Variants in RERE observed in about 807,000 individuals in gnomAD.
RERE encodes arginine-glutamic acid dipeptide repeats, also known as arginine-glutamic acid dipeptide repeats protein.
In RERE, 40 loss-of-function variants were observed where a neutral mutation model predicts 146.1. The observed-to-expected ratio is 0.27, with a 90% CI of 0.21 to 0.36. The LOEUF is 0.36. Ranked by LOEUF, RERE falls within the 10% of genes least tolerant of loss-of-function variation. RERE has a pLI of 1.00. For synonymous variants in RERE, 1,003 were observed against 866.0 expected, an observed-to-expected ratio of 1.16 and a Z score of -2.78; for missense variants, 1,933 against 2,138.7, an observed-to-expected ratio of 0.90 and a Z score of 1.90.
At chr1:8,358,101 A>C in intron 20 of RERE, 95 bp downstream of exon 20, 2 of 1,507,618 alleles carry the variant, frequency 1.3e-6, no homozygotes, top group African/African-American at 1.4e-5. Flanking sequence ...CTGTTCAGAA[A>C]AGAACAGTTT....
intron 12 of RERE, among the ~76,000 whole-genome samples, chr1:8,372,763 A>G (rs1185953259): frequency 6.6e-6 from 1 of 152,120 alleles, no homozygotes; most frequent in Non-Finnish European, 1.5e-5. Flanking sequence ...CAGAGGGGAG[A>G]TACAGGCAGG....
At chr1:8,390,435 C>G (rs2124424507) in intron 12 of RERE, among the ~76,000 whole-genome samples, 1 of 152,290 alleles carries the variant, frequency 6.6e-6, no homozygotes, top group South Asian at 2.1e-4. Flanking sequence ...GTAGGCTCTT[C>G]CCCTGCCCAC....
intron 4 of RERE, among the ~76,000 whole-genome samples, chr1:8,567,417 T>A (rs1646165965): frequency 1.3e-5 from 2 of 152,182 alleles, no homozygotes; most frequent in South Asian, 4.1e-4. Flanking sequence ...CTCAGAAAGA[T>A]GATGTAACTA....
chr1:8,621,250 T>C (rs1234605433), intron 3 of RERE, among the ~76,000 whole-genome samples: 3 of 152,094 alleles, frequency 2.0e-5, no homozygotes, highest in African/African-American at 4.8e-5. Context: ...GACTCGATTC[T>C]AAGGGAATGC....
intron 4 of RERE, among the ~76,000 whole-genome samples, chr1:8,614,116 TA>T (rs1646823467): frequency 6.6e-6 from 1 of 152,200 alleles, no homozygotes; most frequent in Non-Finnish European, 1.5e-5. Context: ...AAAGCCTCGC[TA>T]TTTCTGAGCA....
chr1:8,809,938 C>T (rs915213106), intron 1 of RERE, among the ~76,000 whole-genome samples: 1 of 152,072 alleles, frequency 6.6e-6, no homozygotes, highest in African/African-American at 2.4e-5. Flanking sequence ...ATAAAAGTGG[C>T]CAAACCAAAA....
chr1:8,801,441 G>T (rs1641590416), intron 1 of RERE, among the ~76,000 whole-genome samples: 1 of 151,950 alleles, frequency 6.6e-6, no homozygotes, highest in African/African-American at 2.4e-5. Context: ...GGCTAATTTT[G>T]TAATTTTAGT....
chr1:8,680,699 G>C (rs1298443462), intron 1 of RERE, among the ~76,000 whole-genome samples: 1 of 152,140 alleles, frequency 6.6e-6, no homozygotes, highest in Non-Finnish European at 1.5e-5. Flanking sequence ...GTCCTTTAGA[G>C]AAAAGAAAGC....
At chr1:8,782,841 G>A (rs1641190191) in intron 1 of RERE, among the ~76,000 whole-genome samples, 1 of 152,170 alleles carries the variant, frequency 6.6e-6, no homozygotes, top group Non-Finnish European at 1.5e-5. Context: ...GGGAGGTGGA[G>A]GGTGAAGTGA....
intron 9 of RERE, among the ~76,000 whole-genome samples, 175 bp from the exon 10 acceptor site, chr1:8,495,337 T>C (rs2124234216): frequency 6.6e-6 from 1 of 151,400 alleles, no homozygotes; most frequent in East Asian, 1.9e-4. Context: ...TCTTTTGAGA[T>C]GGAGTCTCAC....
chr1:8,435,216 A>G (rs1292311139), intron 11 of RERE, among the ~76,000 whole-genome samples: 5 of 152,232 alleles, frequency 3.3e-5, no homozygotes, highest in African/African-American at 1.2e-4. Context: ...TTTAAGGCCT[A>G]GCTCTTATCA....
chr1:8,422,623 G>A lies in RERE; in HGVS notation c.1284+104C>T, dbSNP rs1216691195. 4.8e-6 allele frequency: 4 copies of A among 830,236 alleles called. No homozygotes were observed. The African/African-American group carries it at 6.7e-5, about 14-fold the overall frequency. The allele number at this position is 830,236 out of a possible 1,614,324, so 51.4% of individuals were successfully genotyped here. A position where few individuals can be genotyped will look rare whatever the true frequency, so the allele number is the denominator to read the frequency against. ...ATTCTGGAGGCCAGCCCGAGTCTGAGCACAGCGCAGGGTTAAAGGAAACCA... is the reference window on the plus strand; with the variant it reads ...ATTCTGGAGGCCAGCCCGAGTCTGAACACAGCGCAGGGTTAAAGGAAACCA... On this transcript the variant is annotated intron_variant, in intron 12 of 22. Transcript: ENST00000400908.
At chr1:8,378,886 C>T (rs1437347079) in intron 12 of RERE, among the ~76,000 whole-genome samples, 1 of 152,180 alleles carries the variant, frequency 6.6e-6, no homozygotes, top group Non-Finnish European at 1.5e-5. Flanking sequence ...GCTCATGGAG[C>T]TGACTGTCAG....
chr1:8,601,626 C>CCCCACACACA (rs1553119505), intron 4 of RERE, among the ~76,000 whole-genome samples: 2 of 94,914 alleles, frequency 2.1e-5, no homozygotes, highest in Admixed American at 1.2e-4. Context: ...TCCAAGGTCA[C>CCCCACACACA]CACACACACA....
intron 1 of RERE, among the ~76,000 whole-genome samples, chr1:8,810,598 C>A (rs562906095): frequency 2.4e-4 from 36 of 151,978 alleles, no homozygotes; most frequent in Non-Finnish European, 4.6e-4. Flanking sequence ...CAGAGCAAGA[C>A]CTTTCCTCAA....
rs1641225174 is a variant in RERE, at chr1:8,354,865, C to G, written c.*222G>C. On this transcript the variant is annotated 3_prime_UTR_variant, in exon 23 of 23. Coordinates refer to ENST00000400908, the MANE Select transcript of RERE (RefSeq NM_001042681.2). ...GTCCAGTCCAGGACTCACTAAGTTT[C>G]TGGGGGACTGTCATGCAGGGAGATC... is the stretch of plus-strand genomic sequence containing the variant. 1 of 578,682 alleles carries G rather than the reference C, an allele frequency of 1.7e-6. No individual in the cohort carries two copies. Among genetic ancestry groups the G allele is most frequent in the Non-Finnish European group, 3.0e-6 (1 of 329,734 alleles). The allele number at this position is 578,682 out of a possible 1,614,324, so 35.8% of individuals were successfully genotyped here. A position where few individuals can be genotyped will look rare whatever the true frequency, so the allele number is the denominator to read the frequency against.
chr1:8,720,358 A>T (rs1332129829), intron 1 of RERE, among the ~76,000 whole-genome samples: 4 of 152,156 alleles, frequency 2.6e-5, no homozygotes, highest in Non-Finnish European at 1.5e-5. Context: ...TACATTCTGC[A>T]GGGAGAAACA....
intron 4 of RERE, among the ~76,000 whole-genome samples, chr1:8,564,704 C>G (rs1236413020): frequency 1.3e-5 from 2 of 152,058 alleles, no homozygotes; most frequent in Non-Finnish European, 2.9e-5. Flanking sequence ...CAAAGAGAAG[C>G]CTGCACTCCC....
chr1:8,391,695 A>T (rs1322594229), intron 12 of RERE, among the ~76,000 whole-genome samples: 2 of 152,204 alleles, frequency 1.3e-5, no homozygotes, highest in Admixed American at 1.3e-4. Context: ...ATGAGAATTT[A>T]TAATTATATA....
Sources: allele counts gnomAD v4.1 joint callset (sites outside exome capture counted in the v4.1 genomes callset), GRCh38; gene constraint gnomAD v4.1.1; transcripts MANE v1.5; gene names NCBI Gene and HGNC (gene_info 2026-07-23, HGNC 2026-07-21).